PPP6R3: variants seen among roughly 807,000 people sequenced by gnomAD.
The protein encoded by PPP6R3 is protein phosphatase 6 regulatory subunit 3, also known as serine/threonine-protein phosphatase 6 regulatory subunit 3.
PPP6R3 carries 38 observed loss-of-function variants against 110.7 expected under a neutral mutation model. The ratio of observed to expected loss-of-function variants is 0.34; its 90% CI spans 0.26 to 0.45. The LOEUF (loss-of-function observed/expected upper bound fraction) is 0.45. Ranked by LOEUF, PPP6R3 falls within the 20% of genes least tolerant of loss-of-function variation. PPP6R3 has a pLI of 1.00. For synonymous variants in PPP6R3, 369 were observed against 373.5 expected, an observed-to-expected ratio of 0.99 and a Z score of 0.14; for missense variants, 870 against 1,062.4, an observed-to-expected ratio of 0.82 and a Z score of 2.52.
chr11:68,540,863 TC>T (rs34436359), intron 3 of PPP6R3, among the ~76,000 whole-genome samples: 9 of 152,344 alleles, frequency 5.9e-5, no homozygotes, highest in Admixed American at 3.9e-4. Flanking sequence ...TCTGTCTTGT[TC>T]CCTGAACATC....
chr11:68,551,491 C>CT (rs1490894468), intron 6 of PPP6R3, among the ~76,000 whole-genome samples: 5 of 151,592 alleles, frequency 3.3e-5, no homozygotes, highest in Admixed American at 2.0e-4. Context: ...CTCCTTTTTA[C>CT]TTTTTTTTTC....
At chr11:68,530,623 A>G (rs112837133) in intron 2 of PPP6R3, among the ~76,000 whole-genome samples, 2 of 152,318 alleles carry the variant, frequency 1.3e-5, no homozygotes, top group African/African-American at 4.8e-5. Flanking sequence ...ATTAAAAGGT[A>G]TAGACAGAGC....
intron 16 of PPP6R3, among the ~76,000 whole-genome samples, chr11:68,588,592 G>T (rs2099586043): frequency 6.6e-6 from 1 of 151,588 alleles, no homozygotes; most frequent in South Asian, 2.1e-4. Flanking sequence ...TTAGTAGCTG[G>T]GACTACAGGT....
Position 68,583,561 on chromosome 11 carries a change from T to C in PPP6R3, c.1632+432T>C, listed in dbSNP as rs997791222. ...ACCCCTGATGTAAGTTCTATTATAG[T>C]TACATCTAAAGTAAATTTTTAGTTG... On this transcript the variant is annotated intron_variant, in intron 15 of 23. Transcript: ENST00000393800. Among the ~76,000 whole-genome samples, 8 of 152,344 alleles carry C rather than the reference T, an allele frequency of 5.3e-5. No homozygotes were observed. In the South Asian group the frequency reaches 1.2e-3, roughly 24 times the overall value.
chr11:68,501,580 G>C (rs2099049133), intron 1 of PPP6R3, among the ~76,000 whole-genome samples: 1 of 152,166 alleles, frequency 6.6e-6, no homozygotes, highest in African/African-American at 2.4e-5. Flanking sequence ...GCCCGCCTTG[G>C]CCTCACAAAG....
At chr11:68,542,058 G>T (rs1396151288) in intron 3 of PPP6R3, among the ~76,000 whole-genome samples, 2 of 151,364 alleles carry the variant, frequency 1.3e-5, no homozygotes, top group Non-Finnish European at 2.9e-5. Flanking sequence ...TTCCTAAATG[G>T]AAGTGATGAC....
intron 1 of PPP6R3, among the ~76,000 whole-genome samples, chr11:68,465,147 G>A (rs2098736935): frequency 6.6e-6 from 1 of 152,194 alleles, no homozygotes; most frequent in African/African-American, 2.4e-5. Flanking sequence ...CTCCCAAAGT[G>A]CTGGGATTAC....
In PPP6R3 at chr11:68,543,035, A is replaced by G. The variant is rs182637848; in HGVS notation, c.228-1803A>G. On this transcript the variant is annotated intron_variant, in intron 3 of 23. Coordinates refer to ENST00000393800, the MANE Select transcript of PPP6R3 (RefSeq NM_001164161.2). ...AGCATTCTGCCATTTTATAGTGAAA[A>G]TAAAGAGGAATGAAAACAGCTGTCA... is the stretch of plus-strand genomic sequence containing the variant. Among the ~76,000 whole-genome samples the G allele has an allele frequency of 3.9e-5, 6 of 152,292 alleles. No individual in the cohort carries two copies. The East Asian group carries it at 1.2e-3, about 29-fold the overall frequency.
intron 2 of PPP6R3, among the ~76,000 whole-genome samples, chr11:68,524,332 G>A (rs771642725): frequency 6.6e-6 from 1 of 152,128 alleles, no homozygotes; most frequent in African/African-American, 2.4e-5. Context: ...ATCCCTCCAG[G>A]TAGTGAGCCT....
chr11:68,539,422 A>G (rs1465855463), intron 3 of PPP6R3, among the ~76,000 whole-genome samples: 1 of 152,206 alleles, frequency 6.6e-6, no homozygotes, highest in Non-Finnish European at 1.5e-5. Context: ...CACTTGTATT[A>G]TATTGCTTCG....
chr11:68,486,252 G>A lies in PPP6R3; in HGVS notation c.-158+25425G>A, dbSNP rs2098946547. On this transcript the variant is annotated intron_variant, in intron 1 of 23. Transcript: ENST00000393800. ...TACTGATTTGTACTTGCCTTGTAGT[G>A]TCCTTGTCTGATTTTGGTATTATGG... is the stretch of plus-strand genomic sequence containing the variant. Among the ~76,000 whole-genome samples, 3 of 152,016 alleles carry A rather than the reference G, an allele frequency of 2.0e-5. No individual in the cohort carries two copies. In the South Asian group the frequency reaches 6.2e-4, roughly 32 times the overall value.
At chr11:68,525,024 G>C (rs1383788552) in intron 2 of PPP6R3, among the ~76,000 whole-genome samples, 1 of 152,224 alleles carries the variant, frequency 6.6e-6, no homozygotes, top group Non-Finnish European at 1.5e-5. Flanking sequence ...CAGCTGGCTG[G>C]GCTGGGGTCA....
chr11:68,508,392 A>G (rs867336563), intron 1 of PPP6R3, among the ~76,000 whole-genome samples: 3 of 151,970 alleles, frequency 2.0e-5, no homozygotes, highest in Admixed American at 1.3e-4. Context: ...CACCTCTCAC[A>G]GTGCTGGGAT....
At chr11:68,593,952 AAAAAAAC>A (rs2099603421) in intron 18 of PPP6R3, among the ~76,000 whole-genome samples, 1 of 152,154 alleles carries the variant, frequency 6.6e-6, no homozygotes, top group Non-Finnish European at 1.5e-5. Context: ...GAGCCAAGAT[AAAAAAAC>A]AAAAAACAAA....
At chr11:68,589,572 C>T (rs1354236807) in intron 16 of PPP6R3, among the ~76,000 whole-genome samples, 9 of 152,098 alleles carry the variant, frequency 5.9e-5, no homozygotes, top group Non-Finnish European at 4.4e-5. Context: ...AGCTCATTGA[C>T]ACAGAGTTTA....
In PPP6R3 at chr11:68,567,089, A is replaced by T. The variant is rs2099476826; in HGVS notation, c.1051A>T (p.Ile351Leu). 6.4e-7 allele frequency: 1 copy of T among 1,551,534 alleles called. No homozygotes were observed. The highest frequency in any genetic ancestry group is 8.7e-7 in the Non-Finnish European group (1 of 1,146,858). Residue 351 changes from isoleucine (I) to leucine (L), a missense_variant, in exon 10 of 24, where the codon ATA becomes TTA. Physicochemically the swap from Ile to Leu is conservative, Grantham distance 5. Coordinates refer to ENST00000393800, the MANE Select transcript of PPP6R3 (RefSeq NM_001164161.2). ...GNTRLNVIRL[I>L]SSLLQTNTSS... ...TACCCGGTTGAATGTCATTAGGTTG[A>T]TATCCAGCCTGCTTCAAACCAATAC... is the stretch of plus-strand genomic sequence containing the variant.
rs1270732166 is a variant in PPP6R3, at chr11:68,546,215, C to CT, written c.414+1198dup. 2.2e-4 allele frequency among the ~76,000 whole-genome samples: 33 copies of CT among 152,302 alleles called. 1 individual carries two copies. The highest frequency in any genetic ancestry group is 1.9e-3 in the Admixed American group (29 of 15,296). ...AAATCATGATTAATGTAGATTGTCT[C>CT]TTTTTTTCTGCCTTCTAGTTAGAAA... On this transcript the variant is annotated intron_variant, in intron 4 of 23. Transcript: ENST00000393800.
At chr11:68,467,763 G>A (rs1359896257) in intron 1 of PPP6R3, among the ~76,000 whole-genome samples, 1 of 152,044 alleles carries the variant, frequency 6.6e-6, no homozygotes, top group African/African-American at 2.4e-5. Flanking sequence ...ACACTTAGAC[G>A]TCATTTATTT....
chr11:68,564,362 A>C lies in PPP6R3; in HGVS notation c.905A>C (p.Asn302Thr). 6.2e-7 allele frequency: 1 copy of C among 1,613,476 alleles called. No individual in the cohort carries two copies. Among genetic ancestry groups the C allele is most frequent in the Non-Finnish European group, 8.5e-7 (1 of 1,179,356 alleles). ...PGMSHSACSV[N>T]KSVLEAIRGR... is the part of the protein sequence containing the mutation. ...ATGAGCCATTCAGCTTGTTCAGTAAACAAGAGTGTTCTAGAAGCCATCAGA... is the reference window on the plus strand; with the variant it reads ...ATGAGCCATTCAGCTTGTTCAGTAACCAAGAGTGTTCTAGAAGCCATCAGA... The change falls in exon 9 of 24, where the codon AAC becomes ACC. Residue 302 changes from asparagine (N) to threonine (T), a missense_variant. Coordinates refer to ENST00000393800, the MANE Select transcript of PPP6R3 (RefSeq NM_001164161.2).
Sources: gnomAD v4.1 joint callset for allele counts (sites outside exome capture counted in the v4.1 genomes callset) on GRCh38, gnomAD v4.1.1 for gene constraint, MANE v1.5 for transcripts, NCBI Gene and HGNC (gene_info 2026-07-23, HGNC 2026-07-21) for gene names.